The following ARK2C variants were observed in gnomAD, a reference collection of about 807,000 sequenced individuals.
The protein encoded by ARK2C is arkadia (RNF111) C-terminal like ring finger ubiquitin ligase 2C.
chr18:46,335,261 C>G, the ARK2C span: 1 of 152,156 alleles, frequency 6.6e-6, no homozygotes. Context: ...AAGCAGCGGG[C>G]CGGCGCGGGC....
At chr18:46,442,427 G>A in the ARK2C span, among the ~76,000 whole-genome samples, 1 of 152,082 alleles carries the variant, frequency 6.6e-6, no homozygotes, top group Non-Finnish European at 1.5e-5. Flanking sequence ...TAATTTAGAA[G>A]TTTATTATTT....
chr18:46,385,688 C>T, the ARK2C span: 1 of 152,226 alleles, frequency 6.6e-6, no homozygotes, highest in Non-Finnish European at 1.5e-5. Flanking sequence ...CCCTCACCAG[C>T]TCTTCCCAGA....
chr18:46,362,275 T>C, the ARK2C span, among the ~76,000 whole-genome samples: 1 of 152,250 alleles, frequency 6.6e-6, no homozygotes, highest in Non-Finnish European at 1.5e-5. Flanking sequence ...TCAGGGGTTT[T>C]GCAAGAAAGC....
chr18:46,420,377 C>G, the ARK2C span, among the ~76,000 whole-genome samples: 1 of 152,204 alleles, frequency 6.6e-6, no homozygotes, highest in African/African-American at 2.4e-5. Context: ...TAAAGCTACT[C>G]TCTGTCCTGT....
chr18:46,435,725 G>T, the ARK2C span, among the ~76,000 whole-genome samples: 1 of 152,198 alleles, frequency 6.6e-6, no homozygotes, highest in African/African-American at 2.4e-5. Flanking sequence ...GTCCCTGGGG[G>T]GAGAGCAGAA....
At chr18:46,347,175 G>A in the ARK2C span, among the ~76,000 whole-genome samples, 5 of 152,320 alleles carry the variant, frequency 3.3e-5, no homozygotes, top group African/African-American at 9.6e-5. Context: ...GGGAGTGATC[G>A]GGTCAGCCCT....
At chr18:46,404,508 C>A in the ARK2C span, among the ~76,000 whole-genome samples, 1 of 152,150 alleles carries the variant, frequency 6.6e-6, no homozygotes, top group Non-Finnish European at 1.5e-5. Context: ...AATCCCAGCA[C>A]TTTGGGTGGC....
At chr18:46,363,133 C>T in the ARK2C span, among the ~76,000 whole-genome samples, 1 of 152,208 alleles carries the variant, frequency 6.6e-6, no homozygotes, top group Non-Finnish European at 1.5e-5. Context: ...TCAATAAGTA[C>T]TTGTAGACTG....
the ARK2C span, among the ~76,000 whole-genome samples, chr18:46,357,193 T>C: frequency 6.6e-6 from 1 of 152,206 alleles, no homozygotes; most frequent in Non-Finnish European, 1.5e-5. Flanking sequence ...CGCTGAATAG[T>C]AAGTTTCTCT....
At chr18:46,362,865 C>T in the ARK2C span, among the ~76,000 whole-genome samples, 2 of 152,310 alleles carry the variant, frequency 1.3e-5, no homozygotes, top group East Asian at 3.9e-4. Context: ...CTCAGTCCTT[C>T]CACTTTCAGA....
chr18:46,384,166 C>T, the ARK2C span, among the ~76,000 whole-genome samples: 65 of 152,308 alleles, frequency 4.3e-4, no homozygotes, highest in African/African-American at 1.1e-3. Context: ...ACCACTGCCC[C>T]GGCCGTGCTT....
At chr18:46,364,869 G>T in the ARK2C span, among the ~76,000 whole-genome samples, 2 of 152,158 alleles carry the variant, frequency 1.3e-5, no homozygotes, top group Non-Finnish European at 1.5e-5. Context: ...TCAGCAGGCG[G>T]CTGACTCTGG....
chr18:46,433,555 G>A, the ARK2C span: 1 of 1,502,292 alleles, frequency 6.7e-7, no homozygotes, highest in Non-Finnish European at 9.0e-7. Context: ...GTCGGGTGAG[G>A]GGGCAGGGCC....
the ARK2C span, chr18:46,334,307 T>C: frequency 6.3e-7 from 1 of 1,584,712 alleles, no homozygotes; most frequent in Non-Finnish European, 8.6e-7. This position sits in a 1 kb window ranked among gnomAD's most constrained non-coding sequence, Gnocchi z 4.4. Context: ...ATCTCGTGCT[T>C]CCAGTGTTTG....
chr18:46,389,823 G>A, the ARK2C span, among the ~76,000 whole-genome samples: 2 of 151,990 alleles, frequency 1.3e-5, no homozygotes, highest in African/African-American at 4.8e-5. Context: ...CGACTGCCCA[G>A]TCTCAGCTGA....
chr18:46,425,870 A>G, the ARK2C span, among the ~76,000 whole-genome samples: 2 of 152,084 alleles, frequency 1.3e-5, no homozygotes, highest in African/African-American at 4.8e-5. Context: ...CACTAATCAC[A>G]GTTCTGGAGG....
At chr18:46,378,917 C>CACATTCATCAG in the ARK2C span, among the ~76,000 whole-genome samples, 6 of 152,202 alleles carry the variant, frequency 3.9e-5, no homozygotes, top group Non-Finnish European at 7.3e-5. Context: ...TCTTCCTCCC[C>CACATTCATCAG]AGTGTGGCTC....
chr18:46,393,184 A>G, the ARK2C span, among the ~76,000 whole-genome samples: 1 of 152,334 alleles, frequency 6.6e-6, no homozygotes, highest in African/African-American at 2.4e-5. Flanking sequence ...AGCAACACCA[A>G]GAAAGGGCAT....
chr18:46,442,209 G>GT, the ARK2C span, among the ~76,000 whole-genome samples: 1 of 151,010 alleles, frequency 6.6e-6, no homozygotes, highest in Non-Finnish European at 1.5e-5. Flanking sequence ...CCCATTACTT[G>GT]TTTTTTATTT....
Sources: gnomAD v4.1 joint callset for allele counts (sites outside exome capture counted in the v4.1 genomes callset) on GRCh38, gnomAD v4.1.1 for gene constraint, Gnocchi (gnomAD v3.1) non-coding constraint, MANE v1.5 for transcripts, NCBI Gene and HGNC (gene_info 2026-07-23, HGNC 2026-07-21) for gene names.